The following ZNF595 variants were observed in gnomAD, a reference collection of about 807,000 sequenced individuals.
ZNF595 encodes the protein zinc finger protein 595.
A neutral mutation model predicts 19.4 loss-of-function variants in ZNF595; 9 were observed. The observed-to-expected ratio is 0.46, with a 90% CI of 0.28 to 0.81. The LOEUF is 0.81. Ranked by LOEUF, ZNF595 falls within the 30% of genes least tolerant of loss-of-function variation. The pLI, the probability that ZNF595 is intolerant of heterozygous loss-of-function variation, is 0.11. For synonymous variants in ZNF595, 255 were observed against 255.9 expected, an observed-to-expected ratio of 1.00 and a Z score of 0.03; for missense variants, 729 against 736.0, an observed-to-expected ratio of 0.99 and a Z score of 0.11.
intron 3 of ZNF595, among the ~76,000 whole-genome samples, chr4:62,061 C>T (rs1167857900): frequency 8.1e-6 from 1 of 122,994 alleles, no homozygotes; most frequent in Non-Finnish European, 1.7e-5. Flanking sequence ...AAATTGTAAG[C>T]ATACTTTACA....
chr4:80,143 C>T (rs185106003), intron 3 of ZNF595, among the ~76,000 whole-genome samples: 3 of 152,288 alleles, frequency 2.0e-5, no homozygotes, highest in African/African-American at 7.2e-5. Context: ...CTGCTTCAGC[C>T]TCCCAAGTAG....
At chr4:73,104 CAAAT>C (rs1581375577) in intron 3 of ZNF595, among the ~76,000 whole-genome samples, 1 of 152,174 alleles carries the variant, frequency 6.6e-6, no homozygotes, top group East Asian at 1.9e-4. Flanking sequence ...TAGATATTGT[CAAAT>C]AAATTCCAAT....
chr4:84,564 C>A (rs1553800705), intron 3 of ZNF595, among the ~76,000 whole-genome samples: 1 of 152,178 alleles, frequency 6.6e-6, no homozygotes, highest in African/African-American at 2.4e-5. Flanking sequence ...GACAGATTCA[C>A]TGGTTATGTA....
rs530319018 is a variant in ZNF595 at position 73,959 on chromosome 4, G to T, written c.227-11772G>T. 1.6e-4 allele frequency among the ~76,000 whole-genome samples: 24 copies of T among 152,196 alleles called. No individual in the cohort carries two copies. In the South Asian group the frequency reaches 3.7e-3, roughly 24 times the overall value. Reference sequence around the variant, plus strand: ...TCAGAATTGAGTTGTTGGACACCCAGTTGGTGATAGAAGTTTGGTTGGTGT... The same window carrying T: ...TCAGAATTGAGTTGTTGGACACCCATTTGGTGATAGAAGTTTGGTTGGTGT... On this transcript the variant is annotated intron_variant, in intron 3 of 3. Transcript: ENST00000610261.
At position 87,061 on chromosome 4, in the gene ZNF595, A is replaced by G. The variant is rs782081185; in HGVS notation, c.1557A>G (p.Gln519=). 17 of 1,612,880 alleles carry G rather than the reference A, an allele frequency of 1.1e-5. No homozygotes were observed. The East Asian group carries it at 1.8e-4, about 17-fold the overall frequency. ...AAGAATGTGGCAAAGCTTTTAACCA[A>G]TCCTCAGGCCTTATTATACACAGGA... ...KCKECGKAFN[Q]SSGLIIHRSI... Residue 519 remains glutamine, a synonymous_variant, in exon 4 of 4, where the codon CAA becomes CAG. Coordinates refer to ENST00000610261, the MANE Select transcript of ZNF595 (RefSeq NM_182524.4).
chr4:63,614 C>G (rs1712942001), intron 3 of ZNF595, among the ~76,000 whole-genome samples: 1 of 152,228 alleles, frequency 6.6e-6, no homozygotes, highest in South Asian at 2.1e-4. Flanking sequence ...AATCTCAGCT[C>G]ACTGCAACCC....
intron 3 of ZNF595, among the ~76,000 whole-genome samples, chr4:70,231 G>C (rs920706571): frequency 1.3e-5 from 2 of 152,076 alleles, no homozygotes; most frequent in Non-Finnish European, 2.9e-5. Flanking sequence ...TTAGATTTGA[G>C]TCTCTAATCC....
At position 86,698 on chromosome 4, in the gene ZNF595, T is replaced by C; in HGVS notation, c.1194T>C (p.Cys398=). 6.2e-7 allele frequency: 1 copy of C among 1,613,658 alleles called. No individual in the cohort carries two copies. The highest frequency in any genetic ancestry group is 8.5e-7 in the Non-Finnish European group (1 of 1,179,848). The change falls in exon 4 of 4, where the codon TGT becomes TGC. Residue 398 remains cysteine (C), a synonymous_variant. Coordinates refer to ENST00000610261, the MANE Select transcript of ZNF595 (RefSeq NM_182524.4). ...ATACTGGAGAGAAACCCTACACATG[T>C]GAAGAATGTGGCAAAGCTTTTTATA... ...RIHTGEKPYT[C]EECGKAFYRS...
At chr4:73,869 T>C (rs1718744840) in intron 3 of ZNF595, among the ~76,000 whole-genome samples, 1 of 152,058 alleles carries the variant, frequency 6.6e-6, no homozygotes, top group South Asian at 2.1e-4. Flanking sequence ...GACTGGCATG[T>C]GGAGGGAAGC....
At chr4:82,372 GTTTTTTTTTTTTTT>G (rs34932652) in intron 3 of ZNF595, among the ~76,000 whole-genome samples, 12 of 85,940 alleles carry the variant, frequency 1.4e-4, no homozygotes, top group Middle Eastern at 6.8e-3. Context: ...TTGGTTTGTG[GTTTTTTTTTTTTTT>G]TTTTTTTTTT....
chr4:81,299 A>G lies in ZNF595; in HGVS notation c.227-4432A>G, dbSNP rs190344033. Among the ~76,000 whole-genome samples the G allele has an allele frequency of 2.0e-5, 3 of 152,288 alleles. No individual in the cohort carries two copies. The East Asian group carries it at 5.8e-4, about 29-fold the overall frequency. Reference sequence around the variant, plus strand: ...TATAGGTCAGTGATGTGTATTTCCAATATAAGAGTCTCTGTTTATCTGTAT... The same window carrying G: ...TATAGGTCAGTGATGTGTATTTCCAGTATAAGAGTCTCTGTTTATCTGTAT... On this transcript the variant is annotated intron_variant, in intron 3 of 3. Transcript: ENST00000610261.
chr4:82,412 T>A (rs1713955540), intron 3 of ZNF595, among the ~76,000 whole-genome samples: 1 of 142,164 alleles, frequency 7.0e-6, no homozygotes, highest in Non-Finnish European at 1.5e-5. Flanking sequence ...AGATGGAGTT[T>A]CACTCTTGTT....
At chr4:72,702 GTAA>G (rs1713481693) in intron 3 of ZNF595, among the ~76,000 whole-genome samples, 1 of 103,336 alleles carries the variant, frequency 9.7e-6, no homozygotes, top group Non-Finnish European at 2.1e-5. Context: ...AGTATGAAAT[GTAA>G]GTGCCTTCCA....
intron 3 of ZNF595, among the ~76,000 whole-genome samples, chr4:80,251 T>G (rs1444309547): frequency 1.3e-5 from 2 of 152,166 alleles, no homozygotes; most frequent in African/African-American, 4.8e-5. Context: ...ACTCCTGACC[T>G]CAGGTGATCC....
chr4:86,302 A>C lies in ZNF595; in HGVS notation c.798A>C (p.Thr266=). ...GTGAAGAATGTGGCAAAGCCTTTAC[A>C]AGGTCCACAACACTGAATGAACACA... ...YKCEECGKAF[T]RSTTLNEHKK... Residue 266 remains threonine (T), a synonymous_variant, in exon 4 of 4, where the codon ACA becomes ACC. Coordinates refer to ENST00000610261, the MANE Select transcript of ZNF595 (RefSeq NM_182524.4). 6.2e-7 allele frequency: 1 copy of C among 1,610,558 alleles called. No individual in the cohort carries two copies. The highest frequency in any genetic ancestry group is 8.5e-7 in the Non-Finnish European group (1 of 1,177,864).
intron 3 of ZNF595, among the ~76,000 whole-genome samples, chr4:77,546 C>A (rs1553798960): frequency 3.3e-5 from 5 of 152,136 alleles, no homozygotes. Flanking sequence ...TCATTACAGA[C>A]TAGTTGGGAG....
chr4:85,905 A>C lies in ZNF595; in HGVS notation c.401A>C (p.Tyr134Ser). ...CAGAAAGGAGTTAATAATGGAGTTT[A>C]CCAGTGCTTGTCAACTACCCAGAGC... ...KVQKGVNNGV[Y>S]QCLSTTQSKI... is the part of the protein sequence containing the mutation. The change falls in exon 4 of 4, where the codon TAC becomes TCC. Residue 134 changes from tyrosine to serine, a missense_variant. Tyr to Ser is a moderately radical substitution (Grantham distance 144, BLOSUM62 -2). This residue lies in a region of ZNF595 where 729 missense variants were observed against 675.3 expected (regional missense o/e 1.08). Coordinates refer to ENST00000610261, the MANE Select transcript of ZNF595 (RefSeq NM_182524.4). 1 of 1,614,026 alleles carries C rather than the reference A, an allele frequency of 6.2e-7. No homozygotes were observed. Among genetic ancestry groups the C allele is most frequent in the Non-Finnish European group, 8.5e-7 (1 of 1,179,930 alleles).
chr4:79,293 TA>T (rs1283982472), intron 3 of ZNF595, among the ~76,000 whole-genome samples: 1 of 152,212 alleles, frequency 6.6e-6, no homozygotes, highest in Non-Finnish European at 1.5e-5. Flanking sequence ...TAAAATGAAA[TA>T]ATATGTAATT....
At chr4:83,329 G>A (rs1713995398) in intron 3 of ZNF595, among the ~76,000 whole-genome samples, 1 of 151,992 alleles carries the variant, frequency 6.6e-6, no homozygotes, top group Admixed American at 6.6e-5. Context: ...TTGTGAAAAA[G>A]CAAGTTGTGG....
Sources: allele counts gnomAD v4.1 joint callset (sites outside exome capture counted in the v4.1 genomes callset), GRCh38; gene constraint gnomAD v4.1.1; regional missense constraint gnomAD v4.1.1; transcripts MANE v1.5; gene names NCBI Gene and HGNC (gene_info 2026-07-23, HGNC 2026-07-21).